ERCC8: variants seen among roughly 807,000 people sequenced by gnomAD.
The protein encoded by ERCC8 is ERCC excision repair 8, CSA ubiquitin ligase complex subunit, also known as DNA excision repair protein ERCC-8.
A neutral mutation model predicts 54.9 loss-of-function variants in ERCC8; 52 were observed. That is an observed-to-expected ratio of 0.95 (90% CI 0.76 to 1.19). ERCC8 has a LOEUF of 1.19. Among genes scored for constraint, ERCC8 ranks in the 50% most tolerant of loss-of-function variants. ERCC8 has a pLI of 0.00. For missense variants in ERCC8, 514 were observed against 466.1 expected, an observed-to-expected ratio of 1.10 and a Z score of -0.95; for synonymous variants, 146 against 157.2, an observed-to-expected ratio of 0.93 and a Z score of 0.53.
intron 1 of ERCC8, among the ~76,000 whole-genome samples, chr5:60,942,095 T>C (rs975337095): frequency 2.6e-5 from 4 of 152,050 alleles, no homozygotes; most frequent in African/African-American, 9.7e-5. Flanking sequence ...CACTAAAGAA[T>C]TATACAAAAA....
At chr5:60,874,954 A>C (rs1428222364) in intron 11 of ERCC8, among the ~76,000 whole-genome samples, 2 of 152,278 alleles carry the variant, frequency 1.3e-5, no homozygotes, top group East Asian at 3.9e-4. Context: ...ACACACATAC[A>C]TACATATACT....
intron 9 of ERCC8, 75 bp from the exon 10 acceptor site, chr5:60,891,161 C>T (rs1748537442): frequency 2.0e-6 from 2 of 984,102 alleles, no homozygotes; most frequent in African/African-American, 1.6e-5. Flanking sequence ...AGGAGAAATA[C>T]TTAAAATATT....
intron 4 of ERCC8, among the ~76,000 whole-genome samples, chr5:60,905,539 T>A (rs893657006): frequency 1.4e-5 from 2 of 143,260 alleles, no homozygotes; most frequent in Non-Finnish European, 3.1e-5. Flanking sequence ...TCTGTACTTA[T>A]ATCCAAATTG....
chr5:60,918,736 G>C, intron 3 of ERCC8: 2 of 315,712 alleles, frequency 6.3e-6, no homozygotes, highest in South Asian at 6.2e-5. Context: ...TTTTGGTTTT[G>C]GATTTGCTTT....
In ERCC8 at chr5:60,866,542, C is replaced by G. The variant is rs935977391; in HGVS notation, c.*8073G>C. 19 of 152,032 alleles carry G rather than the reference C, an allele frequency of 1.2e-4. No individual in the cohort carries two copies. The highest frequency in any genetic ancestry group is 9.8e-4 in the Admixed American group (15 of 15,260). 9.4% of individuals were successfully genotyped at this position (152,032 alleles called of 1,614,324 possible). A position where few individuals can be genotyped will look rare whatever the true frequency, so the allele number is the denominator to read the frequency against. ...CCCGTTCTACAAATGAATAAACTTG[C>G]AAAATCAAATAGGTAATCAATGATG... is the stretch of plus-strand genomic sequence containing the variant. On this transcript the variant is annotated 3_prime_UTR_variant, in exon 12 of 12. Transcript: ENST00000676185.
chr5:60,944,936 G>T lies in ERCC8; in HGVS notation c.73C>A (p.Arg25=). ...AAAAAGTAAGGTTTTCTTTACCTCC[G>T]TGTTGACTCTGCTCTCCGAAGGCGA... ...PLRLRRAEST[R]RVLGLELNKD... is the part of the protein sequence containing the mutation. Residue 25 remains arginine, a synonymous_variant, in exon 1 of 12, where the codon CGG becomes AGG. Transcript: ENST00000676185. 1 of 1,613,254 alleles carries T rather than the reference G, an allele frequency of 6.2e-7. No homozygotes were observed. The highest frequency in any genetic ancestry group is 8.5e-7 in the Non-Finnish European group (1 of 1,179,226).
rs1434331436 is a variant in ERCC8 at position 60,890,328 on chromosome 5, T to C, written c.1041+561A>G. 2.0e-5 allele frequency among the ~76,000 whole-genome samples: 3 copies of C among 152,290 alleles called. No individual in the cohort carries two copies. The East Asian group carries it at 5.8e-4, about 29-fold the overall frequency. On this transcript the variant is annotated intron_variant, in intron 10 of 11. Coordinates refer to ENST00000676185, the MANE Select transcript of ERCC8 (RefSeq NM_000082.4). The stretch of plus-strand genomic sequence containing the variant: ...GCAATGTTATACTCATTTAAAGAAG[T>C]GCATGAGGTAATTTGTGCAAATGTT...
chr5:60,933,602 T>TG (rs1400040588), intron 1 of ERCC8, among the ~76,000 whole-genome samples: 3 of 152,182 alleles, frequency 2.0e-5, no homozygotes, highest in African/African-American at 4.8e-5. Context: ...CAATAGGTTT[T>TG]GGGGGGAACA....
intron 4 of ERCC8, among the ~76,000 whole-genome samples, chr5:60,912,168 T>C (rs867437549): frequency 3.9e-5 from 6 of 152,158 alleles, no homozygotes; most frequent in African/African-American, 1.4e-4. Context: ...ATTCAATCTA[T>C]AAATTACCTT....
chr5:60,942,544 A>C (rs935478158), intron 1 of ERCC8, among the ~76,000 whole-genome samples: 1 of 152,206 alleles, frequency 6.6e-6, no homozygotes, highest in Non-Finnish European at 1.5e-5. Flanking sequence ...GAAGCCAGAC[A>C]AAAAAGATTC....
At chr5:60,902,539 A>G in intron 6 of ERCC8, 31 bp from the exon 7 acceptor site, 2 of 1,569,524 alleles carry the variant, frequency 1.3e-6, no homozygotes, top group Non-Finnish European at 1.8e-6. Context: ...AAAGTCTTGC[A>G]AGATATCTGA....
chr5:60,879,206 T>C (rs1053866753), intron 11 of ERCC8, among the ~76,000 whole-genome samples: 2 of 152,266 alleles, frequency 1.3e-5, no homozygotes, highest in Non-Finnish European at 2.9e-5. Flanking sequence ...TCCTGAGTTC[T>C]AGTTTGATTG....
rs1267978944 is a variant in ERCC8, at chr5:60,871,856, A to G, written c.*2759T>C. On this transcript the variant is annotated 3_prime_UTR_variant, in exon 12 of 12. Coordinates refer to ENST00000676185, the MANE Select transcript of ERCC8 (RefSeq NM_000082.4). Reference sequence around the variant, plus strand: ...CGCCATGTCACCCAGGCTGGAGTGTAGTGACACGATCTTGGCTCAATGCAG... The same window carrying G: ...CGCCATGTCACCCAGGCTGGAGTGTGGTGACACGATCTTGGCTCAATGCAG... Among the ~76,000 whole-genome samples, 2 of 152,128 alleles carry G rather than the reference A, an allele frequency of 1.3e-5. No homozygotes were observed. Among genetic ancestry groups the G allele is most frequent in the African/African-American group, 4.8e-5 (2 of 41,430 alleles).
At chr5:60,898,597 C>T (rs946698335) in intron 8 of ERCC8, among the ~76,000 whole-genome samples, 197 bp from the exon 9 acceptor site, 8 of 139,516 alleles carry the variant, frequency 5.7e-5, no homozygotes, top group African/African-American at 2.1e-4. Context: ...TAGAGGAAAA[C>T]AAAAAAAAAA....
At chr5:60,929,242 G>C (rs907891668) in intron 1 of ERCC8, among the ~76,000 whole-genome samples, 3 of 152,112 alleles carry the variant, frequency 2.0e-5, no homozygotes, top group Admixed American at 6.6e-5. Context: ...ATGGACAAAA[G>C]CATAAATTAC....
chr5:60,867,640 A>G lies in ERCC8; in HGVS notation c.*6975T>C, dbSNP rs1747781013. Among the ~76,000 whole-genome samples the G allele has an allele frequency of 1.3e-5, 2 of 152,220 alleles. No homozygotes were observed. On this transcript the variant is annotated 3_prime_UTR_variant, in exon 12 of 12. Coordinates refer to ENST00000676185, the MANE Select transcript of ERCC8 (RefSeq NM_000082.4). Reference sequence around the variant, plus strand: ...GTTTTAGCATAAGTTTGAACAGTGTATTTATTTAGAAAATATACAGATTTA... The same window carrying G: ...GTTTTAGCATAAGTTTGAACAGTGTGTTTATTTAGAAAATATACAGATTTA...
chr5:60,926,187 G>C (rs1749745973), intron 2 of ERCC8, among the ~76,000 whole-genome samples: 2 of 152,122 alleles, frequency 1.3e-5, no homozygotes, highest in Non-Finnish European at 1.5e-5. Context: ...TGAGTATTTT[G>C]ATTGAAAGAT....
At chr5:60,941,921 G>C (rs1750269061) in intron 1 of ERCC8, among the ~76,000 whole-genome samples, 1 of 152,090 alleles carries the variant, frequency 6.6e-6, no homozygotes, top group Non-Finnish European at 1.5e-5. Flanking sequence ...TATAATGTCT[G>C]ATAGAGTATA....
chr5:60,882,696 T>A (rs1748272739), intron 11 of ERCC8, among the ~76,000 whole-genome samples: 5 of 152,108 alleles, frequency 3.3e-5, no homozygotes, highest in Admixed American at 3.3e-4. Flanking sequence ...CACGAAACTA[T>A]TATTAAACCT....
Sources: gnomAD v4.1 joint callset for allele counts (sites outside exome capture counted in the v4.1 genomes callset) on GRCh38, gnomAD v4.1.1 for gene constraint, MANE v1.5 for transcripts, NCBI Gene and HGNC (gene_info 2026-07-23, HGNC 2026-07-21) for gene names.